The following CFAP299 variants were observed in gnomAD, a reference collection of about 807,000 sequenced individuals.
CFAP299 encodes cilia- and flagella-associated protein 299.
A neutral mutation model predicts 27.0 loss-of-function variants in CFAP299; 21 were observed. The ratio of observed to expected loss-of-function variants is 0.78; its 90% confidence interval spans 0.55 to 1.12. The LOEUF is 1.12. Ranked by LOEUF, CFAP299 falls within the 50% of genes most tolerant of loss-of-function variation. The pLI is 0.00. For synonymous variants in CFAP299, 104 were observed against 98.1 expected (o/e 1.06, Z -0.36); for missense variants, 310 against 276.6 (o/e 1.12, Z -0.86).
At chr4:80,511,809 A>G (rs536219016) in intron 2 of CFAP299, among the ~76,000 whole-genome samples, 4 of 152,150 alleles carry the variant, frequency 2.6e-5, no homozygotes, top group Non-Finnish European at 5.9e-5. Context: ...ACTATAGCCA[A>G]ACCAAGCATA....
intron 3 of CFAP299, among the ~76,000 whole-genome samples, chr4:80,869,437 CATA>C (rs1371763195): frequency 6.6e-6 from 1 of 152,190 alleles, no homozygotes; most frequent in African/African-American, 2.4e-5. Flanking sequence ...AAGCTATCAG[CATA>C]ATAACAACTA....
At chr4:80,376,960 CT>C (rs1227473222) in intron 2 of CFAP299, among the ~76,000 whole-genome samples, 1 of 152,156 alleles carries the variant, frequency 6.6e-6, no homozygotes, top group Non-Finnish European at 1.5e-5. Context: ...CATATCTCTT[CT>C]TTGGTGAAAT....
At chr4:80,647,292 A>G (rs920747418) in intron 3 of CFAP299, among the ~76,000 whole-genome samples, 8 of 152,168 alleles carry the variant, frequency 5.3e-5, no homozygotes, top group Non-Finnish European at 1.2e-4. Context: ...ATGGAGCTGA[A>G]TCAAACATCA....
At chr4:80,348,454 C>T (rs1270560060) in intron 1 of CFAP299, among the ~76,000 whole-genome samples, 1 of 152,050 alleles carries the variant, frequency 6.6e-6, no homozygotes. Context: ...TAAAACAATC[C>T]CATTAAAAAC....
At chr4:80,534,267 T>G (rs1275975180) in intron 2 of CFAP299, among the ~76,000 whole-genome samples, 2 of 151,434 alleles carry the variant, frequency 1.3e-5, no homozygotes, top group African/African-American at 4.8e-5. Context: ...GAATCTTTCC[T>G]TAAAAGCGTA....
chr4:80,840,921 TCTCTAATCAGAGAGCCGG>T (rs1436838603), intron 3 of CFAP299, among the ~76,000 whole-genome samples: 2 of 152,082 alleles, frequency 1.3e-5, no homozygotes. Context: ...AAGTTAGTTA[TCTCTAATCAGAGAGCCGG>T]CTCATGACAA....
At chr4:80,642,735 G>T (rs1474394583) in intron 3 of CFAP299, among the ~76,000 whole-genome samples, 1 of 152,156 alleles carries the variant, frequency 6.6e-6, no homozygotes, top group Admixed American at 6.5e-5. Flanking sequence ...CTGCACTCCA[G>T]CCTGGTGACA....
intron 3 of CFAP299, among the ~76,000 whole-genome samples, chr4:80,646,623 G>A (rs1259930463): frequency 6.6e-6 from 1 of 152,118 alleles, no homozygotes; most frequent in East Asian, 1.9e-4. Context: ...ACAAGGTCAT[G>A]TATCACATTC....
chr4:80,798,372 G>A (rs1384665122), intron 3 of CFAP299, among the ~76,000 whole-genome samples: 1 of 152,112 alleles, frequency 6.6e-6, no homozygotes, highest in Admixed American at 6.6e-5. Flanking sequence ...CACTACTAGG[G>A]ATAGGGAAGC....
intron 3 of CFAP299, among the ~76,000 whole-genome samples, chr4:80,591,111 T>TA (rs1560642942): frequency 6.2e-5 from 8 of 128,578 alleles, no homozygotes; most frequent in Non-Finnish European, 1.2e-4. Flanking sequence ...GGAAATTTTT[T>TA]TTTTTTTTTT....
At chr4:80,600,481 A>T (rs1317605617) in intron 3 of CFAP299, among the ~76,000 whole-genome samples, 2 of 152,052 alleles carry the variant, frequency 1.3e-5, no homozygotes, top group African/African-American at 2.4e-5. Flanking sequence ...GTGTACGTTT[A>T]TTTTCCAAAT....
chr4:80,392,942 C>A (rs1336666760), intron 2 of CFAP299, among the ~76,000 whole-genome samples: 1 of 152,100 alleles, frequency 6.6e-6, no homozygotes, highest in Non-Finnish European at 1.5e-5. Context: ...GCAGGTCCTT[C>A]AGGAAATATT....
intron 2 of CFAP299, among the ~76,000 whole-genome samples, chr4:80,501,419 CTA>C (rs1039357896): frequency 2.1e-4 from 31 of 146,454 alleles, no homozygotes; most frequent in Non-Finnish European, 3.9e-4. Flanking sequence ...TTTCATATAA[CTA>C]TATAATTATA....
chr4:80,451,549 G>A (rs1034776900), intron 2 of CFAP299, among the ~76,000 whole-genome samples: 4 of 152,170 alleles, frequency 2.6e-5, no homozygotes, highest in Admixed American at 2.6e-4. Context: ...GTACTGATAA[G>A]TGAAACAGTT....
In CFAP299 at chr4:80,538,271, CAAT is replaced by C. The variant is rs558082477; in HGVS notation, c.243-44821_243-44819del. The stretch of plus-strand genomic sequence containing the variant: ...AGAAAAATATTTTTGTATTTTTGTA[CAAT>C]GTTTGTCTTTTAAGCTCAGTGTTAT... On this transcript the variant is annotated intron_variant, in intron 2 of 5. Transcript: ENST00000358105. 1.9e-4 allele frequency among the ~76,000 whole-genome samples: 29 copies of C among 151,694 alleles called. No homozygotes were observed. The East Asian group carries it at 5.4e-3, about 28-fold the overall frequency.
chr4:80,600,786 C>T (rs902736922), intron 3 of CFAP299, among the ~76,000 whole-genome samples: 1 of 152,060 alleles, frequency 6.6e-6, no homozygotes, highest in African/African-American at 2.4e-5. Flanking sequence ...TGGATTTACA[C>T]TTATTCTGTG....
intron 1 of CFAP299, among the ~76,000 whole-genome samples, chr4:80,340,162 A>G (rs868734083): frequency 3.9e-5 from 6 of 152,294 alleles, no homozygotes; most frequent in Middle Eastern, 3.4e-3. Context: ...TAGGCAATCA[A>G]CTCGACCCAT....
chr4:80,541,369 G>A (rs1473627105), intron 2 of CFAP299, among the ~76,000 whole-genome samples: 2 of 151,998 alleles, frequency 1.3e-5, no homozygotes, highest in Non-Finnish European at 2.9e-5. Context: ...GAAACAGATG[G>A]GTTACTTCAA....
chr4:80,570,915 C>G (rs541158323), intron 2 of CFAP299, among the ~76,000 whole-genome samples: 3 of 151,960 alleles, frequency 2.0e-5, no homozygotes, highest in African/African-American at 7.3e-5. Flanking sequence ...GTGGAACATA[C>G]TAAAGAAATA....
Sources: gnomAD v4.1 joint callset for allele counts (sites outside exome capture counted in the v4.1 genomes callset) on GRCh38, gnomAD v4.1.1 for gene constraint, MANE v1.5 for transcripts, NCBI Gene and HGNC (gene_info 2026-07-23, HGNC 2026-07-21) for gene names.